Variants in ASIC2 observed in about 807,000 individuals in gnomAD.
ASIC2 encodes the protein acid sensing ion channel subunit 2.
In ASIC2, 25 loss-of-function variants were observed where a neutral mutation model predicts 57.3. That is an observed-to-expected ratio of 0.44 (90% CI 0.32 to 0.61). The LOEUF (loss-of-function observed/expected upper bound fraction) is 0.61. Ranked by LOEUF, ASIC2 falls within the 20% of genes least tolerant of loss-of-function variation. The pLI, the probability that ASIC2 is intolerant of heterozygous loss-of-function variation, is 0.06. For missense variants in ASIC2, 641 were observed against 738.1 expected, an observed-to-expected ratio of 0.87 and a Z score of 1.52; for synonymous variants, 319 against 307.5, an observed-to-expected ratio of 1.04 and a Z score of -0.39.
At chr17:33,207,180 G>A (rs1416429579) in intron 1 of ASIC2, among the ~76,000 whole-genome samples, 4 of 152,230 alleles carry the variant, frequency 2.6e-5, no homozygotes, top group Non-Finnish European at 5.9e-5. Context: ...CCGTCCTTAA[G>A]CGATTCATTT....
intron 1 of ASIC2, among the ~76,000 whole-genome samples, chr17:33,891,072 A>G (rs1914950018): frequency 6.6e-6 from 1 of 152,162 alleles, no homozygotes; most frequent in South Asian, 2.1e-4. Flanking sequence ...TGCCTGATGT[A>G]GAGGAGTGGG....
At chr17:34,147,646 T>A (rs577174994) in intron 1 of ASIC2, among the ~76,000 whole-genome samples, 11 of 152,182 alleles carry the variant, frequency 7.2e-5, no homozygotes, top group South Asian at 2.1e-4. Context: ...AAATATGATA[T>A]ATGGAGTTTC....
chr17:33,761,043 T>C (rs2142112305), intron 1 of ASIC2, among the ~76,000 whole-genome samples: 1 of 152,300 alleles, frequency 6.6e-6, no homozygotes, highest in East Asian at 1.9e-4. Context: ...TAGACACACC[T>C]GGATGAGTGT....
intron 1 of ASIC2, among the ~76,000 whole-genome samples, chr17:33,357,980 C>G (rs937061003): frequency 1.3e-5 from 2 of 152,178 alleles, no homozygotes; most frequent in African/African-American, 4.8e-5. Context: ...GCTGCAGAAT[C>G]TGGCAAAGCT....
intron 1 of ASIC2, among the ~76,000 whole-genome samples, chr17:34,008,740 A>G (rs995300539): frequency 5.9e-5 from 9 of 152,188 alleles, no homozygotes; most frequent in Non-Finnish European, 1.3e-4. Flanking sequence ...CCACTCTTTG[A>G]GAGTTCCAGA....
chr17:33,928,623 G>A (rs1025022851), intron 1 of ASIC2, among the ~76,000 whole-genome samples: 10 of 152,166 alleles, frequency 6.6e-5, no homozygotes, highest in African/African-American at 2.2e-4. Context: ...GAAATGTAGT[G>A]TCAGGGCTCC....
chr17:33,945,513 T>C (rs1309743224), intron 1 of ASIC2, among the ~76,000 whole-genome samples: 3 of 152,106 alleles, frequency 2.0e-5, no homozygotes, highest in Admixed American at 6.5e-5. Context: ...TGGGCAGCAA[T>C]GTTGCTAACC....
At chr17:33,602,543 G>C (rs1905137042) in intron 1 of ASIC2, among the ~76,000 whole-genome samples, 1 of 152,106 alleles carries the variant, frequency 6.6e-6, no homozygotes, top group South Asian at 2.1e-4. Flanking sequence ...AGCCAATAAA[G>C]TTTCTGTTCA....
intron 1 of ASIC2, among the ~76,000 whole-genome samples, chr17:33,804,954 A>G (rs1045179278): frequency 6.6e-6 from 1 of 151,694 alleles, no homozygotes; most frequent in Non-Finnish European, 1.5e-5. Flanking sequence ...GGATCCAACT[A>G]TGAGTTGATT....
chr17:33,047,948 C>T (rs1437031666), intron 3 of ASIC2, among the ~76,000 whole-genome samples: 1 of 152,188 alleles, frequency 6.6e-6, no homozygotes, highest in Non-Finnish European at 1.5e-5. Flanking sequence ...TTGTCTGTCT[C>T]TCCTCCCCAA....
chr17:34,011,016 G>GCCT (rs1270121003), intron 1 of ASIC2, among the ~76,000 whole-genome samples: 4 of 1,876 alleles, frequency 2.1e-3, no homozygotes, highest in Non-Finnish European at 2.8e-3. Flanking sequence ...ACACACAGAT[G>GCCT]CCAAAGTCAG....
At chr17:33,757,308 T>A (rs968033861) in intron 1 of ASIC2, among the ~76,000 whole-genome samples, 22 of 152,126 alleles carry the variant, frequency 1.4e-4, no homozygotes, top group Admixed American at 2.6e-4. Context: ...ACTAGCAGAT[T>A]CTCCTGCGGG....
At chr17:34,116,656 A>C (rs1027214301) in intron 1 of ASIC2, among the ~76,000 whole-genome samples, 2 of 152,054 alleles carry the variant, frequency 1.3e-5, no homozygotes, top group South Asian at 2.1e-4. Flanking sequence ...TCCCTAGACC[A>C]CCTGTCTTTC....
intron 1 of ASIC2, among the ~76,000 whole-genome samples, chr17:33,536,773 T>C (rs914824699): frequency 3.3e-5 from 5 of 152,150 alleles, no homozygotes; most frequent in African/African-American, 4.8e-5. Flanking sequence ...TTGGGAGGCC[T>C]AGGCAGGTGG....
At position 33,025,927 on chromosome 17, in the gene ASIC2, T is replaced by G; in HGVS notation, c.1194A>C (p.Leu398=). 1.2e-6 allele frequency: 2 copies of G among 1,612,632 alleles called. No homozygotes were observed. The highest frequency in any genetic ancestry group is 1.7e-6 in the Non-Finnish European group (2 of 1,179,408). Reference sequence around the variant, plus strand: ...TCCATCTGTCCCCTGAGTACTGACCTAGGGCAGGCTCTGCACACTCCTTGT... The same window carrying G: ...TCCATCTGTCCCCTGAGTACTGACCGAGGGCAGGCTCTGCACACTCCTTGT... The part of the protein sequence containing the change: ...EQHKECAEPA[L]GLLAEKDSNY... Residue 398 remains leucine (L), a splice_region_variant and synonymous_variant, in exon 5 of 10, where the codon CTA becomes CTC. Transcript: ENST00000225823.
Position 34,101,223 on chromosome 17 carries a change from G to A in ASIC2, c.555+54755C>T, listed in dbSNP as rs115838773. 1.4e-4 allele frequency among the ~76,000 whole-genome samples: 21 copies of A among 152,210 alleles called. No individual in the cohort carries two copies. The South Asian group carries it at 2.5e-3, about 18-fold the overall frequency. On this transcript the variant is annotated intron_variant, in intron 1 of 9. Transcript: ENST00000359872. ...GCTGTTGAGCATCCCAAATGTATCCGGTATTGTTTTAAGTACCAGAGACAC... is the reference window on the plus strand; with the variant it reads ...GCTGTTGAGCATCCCAAATGTATCCAGTATTGTTTTAAGTACCAGAGACAC...
intron 1 of ASIC2, among the ~76,000 whole-genome samples, chr17:33,218,457 A>G (rs767901701): frequency 8.5e-5 from 13 of 152,322 alleles, no homozygotes; most frequent in Non-Finnish European, 1.8e-4. Flanking sequence ...TGTTGGGTGA[A>G]TAAGTCTCCG....
At chr17:33,799,312 C>G (rs1418206001) in intron 1 of ASIC2, among the ~76,000 whole-genome samples, 1 of 151,444 alleles carries the variant, frequency 6.6e-6, no homozygotes, top group African/African-American at 2.4e-5. Context: ...TCCCTCCCTC[C>G]CTGCCTTCCA....
At chr17:33,467,190 C>G (rs1912894735) in intron 1 of ASIC2, among the ~76,000 whole-genome samples, 1 of 152,220 alleles carries the variant, frequency 6.6e-6, no homozygotes. Context: ...ATTTGCCTGC[C>G]TCTGCCTCCC....
Sources: gnomAD v4.1 joint callset for allele counts (sites outside exome capture counted in the v4.1 genomes callset) on GRCh38, gnomAD v4.1.1 for gene constraint, MANE v1.5 for transcripts, NCBI Gene and HGNC (gene_info 2026-07-23, HGNC 2026-07-21) for gene names.